FAAP20: variants seen among roughly 807,000 people sequenced by gnomAD.
FAAP20 encodes Fanconi anemia core complex-associated protein 20.
In FAAP20, 12 loss-of-function variants were observed where a neutral mutation model predicts 16.2. That is an observed-to-expected ratio of 0.74 (90% confidence interval 0.48 to 1.20). The LOEUF is 1.20. Among genes scored for constraint, FAAP20 ranks in the 50% most tolerant of loss-of-function variants. The probability of loss-of-function intolerance (pLI) is 0.00; values close to 1 mark genes in which losing one functional copy is unlikely to be tolerated. For missense variants in FAAP20, 288 were observed against 245.8 expected (o/e 1.17, Z -1.15); for synonymous variants, 141 against 110.7 (o/e 1.27, Z -1.72).
chr1:2,207,107 T>TG (rs937386882), intron 1 of FAAP20, among the ~76,000 whole-genome samples: 51 of 151,812 alleles, frequency 3.4e-4, no homozygotes, highest in African/African-American at 1.2e-3. Flanking sequence ...TGGAGGTGAG[T>TG]GGGGGGCCAG....
chr1:2,187,164 T>C (rs1414645533), downstream of FAAP20: 1 of 471,428 alleles, frequency 2.1e-6, no homozygotes, highest in Non-Finnish European at 4.4e-6. Context: ...ACACTCACCC[T>C]TGACTGCCAG....
chr1:2,210,951 A>G (rs953364985), downstream of FAAP20, among the ~76,000 whole-genome samples: 3 of 151,638 alleles, frequency 2.0e-5, no homozygotes, highest in East Asian at 1.9e-4. Flanking sequence ...TGCTGCCCCT[A>G]TCCAGATGCC....
upstream of FAAP20, among the ~76,000 whole-genome samples, chr1:2,204,598 G>A (rs115436812): frequency 0.016 from 2,335 of 150,138 alleles, 46 homozygotes; most frequent in African/African-American, 0.046. Context: ...GCCCGCCGCC[G>A]AGCCCCCGGG....
At chr1:2,188,036 A>G (rs556966152), downstream of FAAP20, among the ~76,000 whole-genome samples, 30 of 152,162 alleles carry the variant, frequency 2.0e-4, no homozygotes, top group South Asian at 4.1e-4. Context: ...ATCTGCATTT[A>G]TGGCTCCGTG....
At chr1:2,186,022 G>C, downstream of FAAP20, 1 of 442,052 alleles carries the variant, frequency 2.3e-6, no homozygotes, top group East Asian at 7.2e-5. Flanking sequence ...TGAAGGCACA[G>C]CTGTCCAGAG....
chr1:2,199,314 C>A (rs1572130044), upstream of FAAP20: 7 of 1,049,826 alleles, frequency 6.7e-6, no homozygotes, highest in African/African-American at 6.9e-5. This position sits in a 1 kb window ranked among gnomAD's most constrained non-coding sequence, Gnocchi z 4.5. Flanking sequence ...AGCTTCCGCA[C>A]CACTCAGCCC....
At position 2,189,598 on chromosome 1, in the gene FAAP20, TGCGGGGGAGCCGAGAGGCGGGGCTGCTG is replaced by T. The variant is rs544754432; in HGVS notation, c.*83_*110del. ...GGAGCCCGCCCTGCTTTAATGCGCA[TGCGGGGGAGCCGAGAGGCGGGGCTGCTG>T]GCGGGGGAGCCGAGAGGCGGGGCTG... On this transcript the variant is annotated 3_prime_UTR_variant, in exon 4 of 4. Transcript: ENST00000378546. The T allele has an allele frequency of 0.053, 45,584 of 866,852 alleles. 1,873 individuals are homozygous for T. Among genetic ancestry groups the T allele is most frequent in the African/African-American group, 0.19 (11,630 of 60,696 alleles). The allele number at this position is 866,852 out of a possible 1,614,324, so 53.7% of individuals were successfully genotyped here.
At chr1:2,195,329 G>A (rs1031265783), upstream of FAAP20, among the ~76,000 whole-genome samples, 13 of 152,306 alleles carry the variant, frequency 8.5e-5, no homozygotes, top group Non-Finnish European at 1.5e-4. Context: ...CCTGGACCCC[G>A]GGCTCTGCGA....
intron 3 of FAAP20, chr1:2,192,463 C>T: frequency 1.0e-6 from 1 of 998,464 alleles, no homozygotes; most frequent in Non-Finnish European, 1.2e-6. Context: ...CGTGAACGTC[C>T]TTGTCTTCAG....
intron 3 of FAAP20, among the ~76,000 whole-genome samples, chr1:2,205,686 A>C (rs1016328261): frequency 2.0e-5 from 3 of 152,184 alleles, no homozygotes; most frequent in Non-Finnish European, 4.4e-5. Flanking sequence ...GTGTACGCCC[A>C]CGGTCCGGGC....
At chr1:2,191,481 C>G (rs952464894) in intron 3 of FAAP20, 3 of 152,652 alleles carry the variant, frequency 2.0e-5, no homozygotes, top group Non-Finnish European at 4.4e-5. Context: ...GGCGCGGTGG[C>G]TCACGCCTGT....
chr1:2,184,755 C>G, downstream of FAAP20: 6 of 1,530,610 alleles, frequency 3.9e-6, no homozygotes, highest in Non-Finnish European at 5.3e-6. Flanking sequence ...CCATGGCAGG[C>G]CGGCACCTTG....
At chr1:2,194,219 G>A in intron 1 of FAAP20, 86 bp from the exon 2 acceptor site, 1 of 1,538,692 alleles carries the variant, frequency 6.5e-7, no homozygotes, top group South Asian at 1.2e-5. Flanking sequence ...GGGGCAGAGA[G>A]AGCGGGGAGA....
At chr1:2,200,398 A>G (rs1440672084), upstream of FAAP20, 2 of 153,530 alleles carry the variant, frequency 1.3e-5, no homozygotes, top group Non-Finnish European at 2.9e-5. Flanking sequence ...TCTATCTCAA[A>G]AAAAAAAAAA....
upstream of FAAP20, chr1:2,198,746 G>A: frequency 7.8e-7 from 1 of 1,286,224 alleles, no homozygotes; most frequent in Non-Finnish European, 1.0e-6. Flanking sequence ...TGCCCTGGCA[G>A]TGCTCACCTG....
chr1:2,209,389 C>T (rs1689374031), downstream of FAAP20, among the ~76,000 whole-genome samples: 1 of 152,350 alleles, frequency 6.6e-6, no homozygotes, highest in South Asian at 2.1e-4. Context: ...CATTTGGAGA[C>T]TTAATTTTTT....
At chr1:2,208,875 C>T (rs923789582), downstream of FAAP20, among the ~76,000 whole-genome samples, 5 of 152,196 alleles carry the variant, frequency 3.3e-5, no homozygotes, top group South Asian at 6.2e-4. Context: ...TGTTTTGAAT[C>T]GATTCCGCTT....
chr1:2,208,910 G>C (rs1290764903), downstream of FAAP20, among the ~76,000 whole-genome samples: 1 of 152,242 alleles, frequency 6.6e-6, no homozygotes, highest in Non-Finnish European at 1.5e-5. Context: ...TTTCCCAGCA[G>C]GGAAGTGGAG....
At chr1:2,187,195 A>G (rs1687693471), downstream of FAAP20, 1 of 471,236 alleles carries the variant, frequency 2.1e-6, no homozygotes, top group South Asian at 1.6e-5. Context: ...AGTCTTGCAC[A>G]TCCATGAAAG....
Sources: allele counts gnomAD v4.1 joint callset (sites outside exome capture counted in the v4.1 genomes callset), GRCh38; gene constraint gnomAD v4.1.1; non-coding constraint Gnocchi (gnomAD v3.1); transcripts MANE v1.5; gene names NCBI Gene and HGNC (gene_info 2026-07-23, HGNC 2026-07-21).